Variants in ARL15 observed in about 807,000 individuals in gnomAD.
ARL15 encodes ADP-ribosylation factor-like protein 15.
Under a neutral mutation model 25.2 loss-of-function variants are expected in ARL15, and 19 were observed. The observed-to-expected ratio is 0.75, with a 90% CI of 0.53 to 1.10. ARL15 has a LOEUF of 1.10. Ranked by LOEUF, ARL15 falls within the 50% of genes least tolerant of loss-of-function variation. The pLI is 0.00. For synonymous variants in ARL15, 94 were observed against 86.8 expected (o/e 1.08, Z -0.46); for missense variants, 220 against 246.0 (o/e 0.89, Z 0.71).
intron 4 of ARL15, among the ~76,000 whole-genome samples, chr5:53,907,475 TATATATATATA>T (rs1745287538): frequency 6.7e-5 from 2 of 29,740 alleles, no homozygotes; most frequent in Non-Finnish European, 1.4e-4. Context: ...TATATATATA[TATATATATATA>T]TATTTTTTTT....
At chr5:54,159,605 G>C (rs1394936217) in intron 2 of ARL15, among the ~76,000 whole-genome samples, 1 of 152,188 alleles carries the variant, frequency 6.6e-6, no homozygotes, top group African/African-American at 2.4e-5. Context: ...TTGGCTGAAG[G>C]CTTCACGGTT....
intron 4 of ARL15, among the ~76,000 whole-genome samples, chr5:54,063,885 T>G (rs1377462604): frequency 3.9e-5 from 6 of 152,218 alleles, no homozygotes; most frequent in Non-Finnish European, 8.8e-5. Context: ...TTAGCAAGCT[T>G]CTTTCTAAAA....
chr5:54,071,767 C>T (rs1019081421), intron 4 of ARL15, among the ~76,000 whole-genome samples: 4 of 151,770 alleles, frequency 2.6e-5, no homozygotes, highest in East Asian at 1.9e-4. Flanking sequence ...GTCAGGAGAT[C>T]GAGACCATCC....
intron 4 of ARL15, among the ~76,000 whole-genome samples, chr5:53,964,453 G>T (rs992944378): frequency 1.3e-5 from 2 of 151,938 alleles, no homozygotes; most frequent in Non-Finnish European, 2.9e-5. Context: ...TCCGCCTCCC[G>T]GGTTCACGCC....
chr5:54,093,617 T>A (rs1752195560), intron 4 of ARL15, among the ~76,000 whole-genome samples: 1 of 152,022 alleles, frequency 6.6e-6, no homozygotes, highest in African/African-American at 2.4e-5. Context: ...ATTAAATGAC[T>A]GACTTGGATT....
intron 1 of ARL15, among the ~76,000 whole-genome samples, chr5:54,309,083 T>C (rs1758832040): frequency 6.6e-6 from 1 of 152,220 alleles, no homozygotes; most frequent in South Asian, 2.1e-4. Flanking sequence ...CCTTGTATTG[T>C]GAAGAATGTT....
chr5:54,215,358 G>C (rs1259047173), intron 1 of ARL15, among the ~76,000 whole-genome samples: 1 of 152,072 alleles, frequency 6.6e-6, no homozygotes, highest in African/African-American at 2.4e-5. Context: ...TAATTTGATG[G>C]GTGGCTGTAT....
intron 1 of ARL15, among the ~76,000 whole-genome samples, chr5:54,284,742 A>G (rs1758144787): frequency 6.6e-6 from 1 of 152,146 alleles, no homozygotes; most frequent in Admixed American, 6.5e-5. Flanking sequence ...CATTCTCTCT[A>G]ATCTCTAATC....
chr5:54,109,664 T>C (rs1752687588), intron 4 of ARL15, among the ~76,000 whole-genome samples: 1 of 152,010 alleles, frequency 6.6e-6, no homozygotes, highest in Admixed American at 6.5e-5. Flanking sequence ...TCAATACAAA[T>C]GAGAAACCAA....
intron 4 of ARL15, among the ~76,000 whole-genome samples, chr5:54,012,635 C>T (rs1239367818): frequency 1.3e-5 from 2 of 151,948 alleles, no homozygotes; most frequent in African/African-American, 4.8e-5. Flanking sequence ...AGCAATTCTC[C>T]TGCCTCAGCC....
intron 3 of ARL15, among the ~76,000 whole-genome samples, chr5:54,115,653 C>T (rs754185254): frequency 6.6e-6 from 1 of 152,034 alleles, no homozygotes; most frequent in Non-Finnish European, 1.5e-5. Context: ...TTATACTATA[C>T]AAAAATAACT....
chr5:54,067,037 T>G (rs1751258300), intron 4 of ARL15: 1 of 152,614 alleles, frequency 6.6e-6, no homozygotes, highest in Non-Finnish European at 1.5e-5. Flanking sequence ...AGATTAAAAT[T>G]TGGCCGTGTT....
At chr5:54,168,190 T>G (rs879395528) in intron 2 of ARL15, among the ~76,000 whole-genome samples, 1 of 152,172 alleles carries the variant, frequency 6.6e-6, no homozygotes, top group Admixed American at 6.5e-5. Flanking sequence ...CAAAATATAA[T>G]TGGTGCTTAG....
At chr5:53,991,483 A>C (rs780670118) in intron 4 of ARL15, among the ~76,000 whole-genome samples, 6 of 138,626 alleles carry the variant, frequency 4.3e-5, no homozygotes, top group Non-Finnish European at 6.1e-5. Context: ...CGGAGGTTGC[A>C]GTGAGCTGAG....
Position 54,132,560 on chromosome 5 carries a change from T to C in ARL15, c.254-19150A>G, listed in dbSNP as rs377601072. 4.1e-4 allele frequency among the ~76,000 whole-genome samples: 62 copies of C among 152,238 alleles called. No homozygotes were observed. The South Asian group carries it at 4.6e-3, about 11-fold the overall frequency. ...GTTATTTAAAAAATATAAACTAAAA[T>C]TATATGGTACTTTTTTTTCTTAAGT... On this transcript the variant is annotated intron_variant, in intron 3 of 4. Coordinates refer to ENST00000504924, the MANE Select transcript of ARL15 (RefSeq NM_019087.3).
intron 4 of ARL15, among the ~76,000 whole-genome samples, chr5:54,097,203 G>C (rs139410654): frequency 6.0e-4 from 91 of 152,274 alleles, no homozygotes; most frequent in African/African-American, 2.1e-3. Context: ...TGTAGTCCCA[G>C]CTACTCGGGA....
In ARL15 at chr5:54,162,024, C is replaced by CACACACAGAG. The variant is rs148833900; in HGVS notation, c.194-7386_194-7385insCTCTGTGTGT. Among the ~76,000 whole-genome samples the CACACACAGAG allele has an allele frequency of 3.5e-3, 502 of 145,416 alleles. 2 individuals carry two copies. The highest frequency in any genetic ancestry group is 5.3e-3 in the Non-Finnish European group (353 of 66,780). On this transcript the variant is annotated intron_variant, in intron 2 of 4. Transcript: ENST00000504924. ...ACACACACACACACACACACACACACAGAGAGAGATACACACCTGCTATGA... is the reference window on the plus strand; with the variant it reads ...ACACACACACACACACACACACACACACACACAGAGAGAGAGAGATACACACCTGCTATGA...
chr5:53,893,153 C>CGCTGACATAGGGCTGGCAATA, intron 4 of ARL15, among the ~76,000 whole-genome samples: 1 of 152,036 alleles, frequency 6.6e-6, no homozygotes, highest in African/African-American at 2.4e-5. Flanking sequence ...TGGTGGGGCC[C>CGCTGACATAGGGCTGGCAATA]GCTGACATAG....
chr5:54,163,873 C>A (rs1754493686), intron 2 of ARL15, among the ~76,000 whole-genome samples: 1 of 151,868 alleles, frequency 6.6e-6, no homozygotes, highest in Non-Finnish European at 1.5e-5. Context: ...TACTAATTTT[C>A]TCTATGGCTC....
Sources: allele counts gnomAD v4.1 joint callset (sites outside exome capture counted in the v4.1 genomes callset), GRCh38; gene constraint gnomAD v4.1.1; transcripts MANE v1.5; gene names NCBI Gene and HGNC (gene_info 2026-07-23, HGNC 2026-07-21).